Variants in TENM3 observed in about 807,000 individuals in gnomAD.
TENM3 encodes teneurin transmembrane protein 3, also known as teneurin-3.
A neutral mutation model predicts 255.1 loss-of-function variants in TENM3; 63 were observed. That is an observed-to-expected ratio of 0.25 (90% CI 0.20 to 0.30). The LOEUF (loss-of-function observed/expected upper bound fraction) is 0.30. Among genes scored for constraint, TENM3 ranks in the 10% least tolerant of loss-of-function variants. TENM3 has a pLI of 1.00. For missense variants in TENM3, 2,929 were observed against 3,461.1 expected (o/e 0.85, Z 3.86); for synonymous variants, 1,306 against 1,322.3 (o/e 0.99, Z 0.27).
At chr4:181,498,385 A>G in the TENM3 span, among the ~76,000 whole-genome samples, 1 of 152,182 alleles carries the variant, frequency 6.6e-6, no homozygotes, top group Non-Finnish European at 1.5e-5. Flanking sequence ...CTGGTTTGGC[A>G]GGTCAGATGT....
intron 1 of TENM3, among the ~76,000 whole-genome samples, chr4:182,315,338 T>C (rs1459694802): frequency 2.0e-5 from 3 of 152,128 alleles, no homozygotes; most frequent in Non-Finnish European, 4.4e-5. Flanking sequence ...TCAGCTTCTG[T>C]ATGTCCAAAA....
the TENM3 span, among the ~76,000 whole-genome samples, chr4:181,864,482 TCAGTAAGC>T: frequency 6.6e-6 from 1 of 152,068 alleles, no homozygotes; most frequent in East Asian, 1.9e-4. Context: ...GAGTTGTGTC[TCAGTAAGC>T]CAGCAACGGT....
the TENM3 span, among the ~76,000 whole-genome samples, chr4:182,049,690 C>T: frequency 1.3e-5 from 2 of 152,160 alleles, no homozygotes; most frequent in Admixed American, 6.5e-5. Flanking sequence ...ATCTGATTAC[C>T]GTTTAAGAGG....
At chr4:181,902,200 A>ACC in the TENM3 span, among the ~76,000 whole-genome samples, 6 of 147,220 alleles carry the variant, frequency 4.1e-5, no homozygotes, top group South Asian at 2.1e-4. Context: ...AAAAAAAAAA[A>ACC]CCCTATTAAA....
chr4:182,157,960 C>T (rs540599653), intron 1 of TENM3, among the ~76,000 whole-genome samples: 1 of 152,304 alleles, frequency 6.6e-6, no homozygotes, highest in African/African-American at 2.4e-5. Context: ...ATATGTAGTT[C>T]TCTTTGTCCT....
intron 1 of TENM3, among the ~76,000 whole-genome samples, chr4:182,303,943 T>A (rs567635744): frequency 2.0e-5 from 3 of 152,320 alleles, no homozygotes; most frequent in Admixed American, 6.5e-5. Flanking sequence ...ATAATTAGAA[T>A]ATCCTGCTCA....
At chr4:182,311,601 T>C (rs530099094) in intron 1 of TENM3, among the ~76,000 whole-genome samples, 9 of 152,338 alleles carry the variant, frequency 5.9e-5, no homozygotes, top group Admixed American at 2.6e-4. Flanking sequence ...CTCAGTTCTG[T>C]CATGCGAAAA....
intron 1 of TENM3, among the ~76,000 whole-genome samples, chr4:182,281,902 A>C (rs977701421): frequency 3.3e-5 from 5 of 151,990 alleles, no homozygotes; most frequent in Admixed American, 6.6e-5. Flanking sequence ...TACCCGGCTA[A>C]TTTTGGTATT....
At chr4:182,422,210 TG>T (rs1770887543) in intron 3 of TENM3, among the ~76,000 whole-genome samples, 1 of 151,554 alleles carries the variant, frequency 6.6e-6, no homozygotes, top group African/African-American at 2.4e-5. Flanking sequence ...TTTTTTTCAC[TG>T]TTTTTTTTTA....
chr4:182,628,057 T>G (rs1030068148), intron 4 of TENM3, among the ~76,000 whole-genome samples: 2 of 152,194 alleles, frequency 1.3e-5, no homozygotes, highest in Admixed American at 1.3e-4. Flanking sequence ...AACAATAAAA[T>G]AGTTTGCATC....
At chr4:182,638,968 T>G (rs1005965590) in intron 5 of TENM3, among the ~76,000 whole-genome samples, 1 of 152,210 alleles carries the variant, frequency 6.6e-6, no homozygotes, top group African/African-American at 2.4e-5. Flanking sequence ...ATGGGGCTCT[T>G]GGTTTTGAGA....
the TENM3 span, among the ~76,000 whole-genome samples, chr4:181,995,095 C>T: frequency 6.6e-6 from 1 of 152,044 alleles, no homozygotes; most frequent in Non-Finnish European, 1.5e-5. Context: ...TCGAGACTAG[C>T]CTAGCCAACA....
intron 3 of TENM3, among the ~76,000 whole-genome samples, chr4:182,386,568 C>T (rs972416437): frequency 9.2e-5 from 14 of 152,160 alleles, no homozygotes; most frequent in African/African-American, 2.9e-4. Flanking sequence ...GAGGGAGAGG[C>T]GCGAGCAGGA....
At chr4:181,662,340 T>C in the TENM3 span, among the ~76,000 whole-genome samples, 1 of 152,230 alleles carries the variant, frequency 6.6e-6, no homozygotes, top group Non-Finnish European at 1.5e-5. Context: ...TTATTTTCAT[T>C]TGATTTTAAC....
chr4:182,416,829 T>G (rs931403256), intron 3 of TENM3, among the ~76,000 whole-genome samples: 4 of 152,236 alleles, frequency 2.6e-5, no homozygotes, highest in Non-Finnish European at 5.9e-5. Context: ...AACAGAGTGC[T>G]TTAGAAAACA....
the TENM3 span, among the ~76,000 whole-genome samples, chr4:181,843,179 C>G: frequency 6.6e-6 from 1 of 152,138 alleles, no homozygotes; most frequent in African/African-American, 2.4e-5. Flanking sequence ...TTACACTCAC[C>G]TTTAGATACA....
intron 4 of TENM3, among the ~76,000 whole-genome samples, chr4:182,617,373 T>C (rs1264629034): frequency 6.6e-6 from 1 of 152,228 alleles, no homozygotes; most frequent in Non-Finnish European, 1.5e-5. Context: ...TATCATCAAG[T>C]GACTAAAACT....
At chr4:181,939,868 C>T in the TENM3 span, among the ~76,000 whole-genome samples, 1 of 152,334 alleles carries the variant, frequency 6.6e-6, no homozygotes, top group Admixed American at 6.5e-5. Context: ...TCTTCAACAA[C>T]CACTATTTCA....
At chr4:181,453,801 T>A in the TENM3 span, among the ~76,000 whole-genome samples, 1 of 152,146 alleles carries the variant, frequency 6.6e-6, no homozygotes, top group Non-Finnish European at 1.5e-5. Flanking sequence ...TTTATGACAG[T>A]CAGGTCTTCA....
Sources: allele counts gnomAD v4.1 joint callset (sites outside exome capture counted in the v4.1 genomes callset), GRCh38; gene constraint gnomAD v4.1.1; transcripts MANE v1.5; gene names NCBI Gene and HGNC (gene_info 2026-07-23, HGNC 2026-07-21).